The following CDH18 variants were observed in gnomAD, a reference collection of about 807,000 sequenced individuals.
The protein encoded by CDH18 is cadherin-18.
CDH18 carries 31 observed loss-of-function variants against 67.9 expected under a neutral mutation model. That is an observed-to-expected ratio of 0.46 (90% CI 0.34 to 0.62). The LOEUF is 0.62. CDH18 is among the 20% of genes least tolerant of loss of function. The pLI is 0.01. For synonymous variants in CDH18, 362 were observed against 347.2 expected (o/e 1.04, Z -0.48); for missense variants, 890 against 975.5 (o/e 0.91, Z 1.17).
chr5:19,910,715 T>TAG (rs1391896450), intron 2 of CDH18, among the ~76,000 whole-genome samples: 1 of 152,136 alleles, frequency 6.6e-6, no homozygotes, highest in Non-Finnish European at 1.5e-5. Context: ...AAAAAATAGT[T>TAG]ATCTAAGTCT....
intron 2 of CDH18, among the ~76,000 whole-genome samples, chr5:20,025,793 A>G (rs1738845258): frequency 6.6e-6 from 1 of 152,174 alleles, no homozygotes; most frequent in African/African-American, 2.4e-5. Context: ...CCAATTCAAA[A>G]TTATCAGTGT....
intron 3 of CDH18, among the ~76,000 whole-genome samples, chr5:19,815,582 T>C (rs902684105): frequency 1.8e-4 from 28 of 151,884 alleles, no homozygotes; most frequent in African/African-American, 5.1e-4. Flanking sequence ...AATTGAAGGT[T>C]GTCTTCTAAG....
At position 19,520,773 on chromosome 5, in the gene CDH18, G is replaced by A. The variant is rs866204562; in HGVS notation, c.1396C>T (p.Pro466Ser). ...ACTGTGACATGGCTCAGCAAATCAGGATTATCTGCAAAATACACAGGAATG... is the reference window on the plus strand; with the variant it reads ...ACTGTGACATGGCTCAGCAAATCAGAATTATCTGCAAAATACACAGGAATG... Reference protein sequence around the residue: ...ITVTASEIDNPDLLSHVTVGI... With the variant: ...ITVTASEIDNSDLLSHVTVGI... The change falls in exon 10 of 13, where the codon CCT becomes TCT. Residue 466 changes from proline to serine, a missense_variant. By Grantham distance (74) the Pro-to-Ser change is moderately conservative. Transcript: ENST00000382275. 1.2e-6 allele frequency: 2 copies of A among 1,612,550 alleles called. No homozygotes were observed. The highest frequency in any genetic ancestry group is 1.7e-6 in the Non-Finnish European group (2 of 1,179,312).
intron 1 of CDH18, among the ~76,000 whole-genome samples, chr5:20,556,619 A>G (rs1757920668): frequency 6.6e-6 from 1 of 152,138 alleles, no homozygotes; most frequent in South Asian, 2.1e-4. Context: ...AGCACTCAAG[A>G]CACCAGATAT....
At chr5:19,717,071 C>A (rs919785764) in intron 5 of CDH18, among the ~76,000 whole-genome samples, 2 of 151,904 alleles carry the variant, frequency 1.3e-5, no homozygotes, top group Non-Finnish European at 2.9e-5. Context: ...TAATTATGGT[C>A]AAAAGAGCTG....
In CDH18 at chr5:20,338,015, T is replaced by C. The variant is rs955269052; in HGVS notation, c.-579-82510A>G. Among the ~76,000 whole-genome samples the C allele has an allele frequency of 3.3e-5, 5 of 152,266 alleles. No homozygotes were observed. In the South Asian group the frequency reaches 6.2e-4, roughly 19 times the overall value. Reference sequence around the variant, plus strand: ...GCAGGGAAACTTCCCCTTATAATACTATCAGATCTTGTGAGACCCACCAAC... The same window carrying C: ...GCAGGGAAACTTCCCCTTATAATACCATCAGATCTTGTGAGACCCACCAAC... On this transcript the variant is annotated intron_variant, in intron 1 of 14. Transcript: ENST00000507958.
At chr5:19,812,869 A>T (rs1391895679) in intron 3 of CDH18, among the ~76,000 whole-genome samples, 2 of 152,160 alleles carry the variant, frequency 1.3e-5, no homozygotes, top group African/African-American at 4.8e-5. Context: ...ATTCACAATA[A>T]CAAAAGACTT....
intron 1 of CDH18, among the ~76,000 whole-genome samples, chr5:20,466,729 A>T (rs1212088018): frequency 6.6e-6 from 1 of 152,052 alleles, no homozygotes; most frequent in Non-Finnish European, 1.5e-5. Context: ...TTCCTTGATT[A>T]TATCCCATGT....
intron 3 of CDH18, among the ~76,000 whole-genome samples, chr5:19,802,522 A>G (rs1777576698): frequency 6.6e-6 from 1 of 152,198 alleles, no homozygotes; most frequent in South Asian, 2.1e-4. Flanking sequence ...AAAATAACAA[A>G]GTAAAATTCA....
rs78837741 is a variant in CDH18, at chr5:20,014,928, T to A, written c.-517-22914A>T. 3.2e-4 allele frequency among the ~76,000 whole-genome samples: 49 copies of A among 152,210 alleles called. 1 individual carries two copies. In the East Asian group the frequency reaches 9.3e-3, roughly 29 times the overall value. On this transcript the variant is annotated intron_variant, in intron 2 of 14. Coordinates refer to the CDH18 transcript ENST00000507958. ...AGGTCCATTTTTCATCTAGAGAGCATCCTCAACAAATCAGGAAACCCACAT... is the reference window on the plus strand; with the variant it reads ...AGGTCCATTTTTCATCTAGAGAGCAACCTCAACAAATCAGGAAACCCACAT...
At chr5:20,053,966 C>T (rs1252433864) in intron 2 of CDH18, among the ~76,000 whole-genome samples, 1 of 152,056 alleles carries the variant, frequency 6.6e-6, no homozygotes, top group Non-Finnish European at 1.5e-5. Flanking sequence ...TGCAATTCAA[C>T]TCCTTTCTCT....
At chr5:20,419,462 G>GTTTTTTTTTTTTTTTT (rs202130030) in intron 1 of CDH18, among the ~76,000 whole-genome samples, 10 of 75,656 alleles carry the variant, frequency 1.3e-4, no homozygotes, top group African/African-American at 5.5e-4. Context: ...ATGGGACTCT[G>GTTTTTTTTTTTTTTTT]TTTTTTTTTT....
chr5:19,733,685 A>G (rs1449773257), intron 4 of CDH18, among the ~76,000 whole-genome samples: 2 of 152,190 alleles, frequency 1.3e-5, no homozygotes, highest in Non-Finnish European at 2.9e-5. Flanking sequence ...AGCCAGTCCC[A>G]GAGCCATGCT....
intron 2 of CDH18, among the ~76,000 whole-genome samples, chr5:20,032,899 C>CA (rs962018784): frequency 2.6e-5 from 4 of 151,950 alleles, no homozygotes; most frequent in African/African-American, 9.7e-5. Context: ...GTGAAAGATT[C>CA]AGGGTTCACT....
At chr5:19,687,015 C>A (rs2150406262) in intron 5 of CDH18, among the ~76,000 whole-genome samples, 1 of 152,186 alleles carries the variant, frequency 6.6e-6, no homozygotes, top group East Asian at 1.9e-4. Context: ...TAAGAAGTAA[C>A]ACTGGAATTC....
intron 1 of CDH18, among the ~76,000 whole-genome samples, chr5:20,392,661 G>C (rs983204374): frequency 7.2e-5 from 11 of 151,788 alleles, no homozygotes; most frequent in African/African-American, 2.7e-4. Context: ...CTGGAATATA[G>C]GTCTTTGAGT....
chr5:19,877,681 A>C (rs1277087505), intron 2 of CDH18, among the ~76,000 whole-genome samples: 1 of 152,162 alleles, frequency 6.6e-6, no homozygotes, highest in Admixed American at 6.6e-5. Flanking sequence ...GTAGGGCCTA[A>C]AACAAGTAGA....
chr5:19,832,238 T>G (rs1781123271), intron 3 of CDH18, among the ~76,000 whole-genome samples: 2 of 152,126 alleles, frequency 1.3e-5, no homozygotes, highest in African/African-American at 4.8e-5. Flanking sequence ...AATGCACATG[T>G]GCCCTTTGAA....
intron 4 of CDH18, among the ~76,000 whole-genome samples, chr5:19,723,058 T>C (rs567449364): frequency 1.3e-5 from 2 of 152,134 alleles, no homozygotes; most frequent in Non-Finnish European, 2.9e-5. Context: ...TGGTGAATTT[T>C]TTTTTGTTAA....
Sources: allele counts gnomAD v4.1 joint callset (sites outside exome capture counted in the v4.1 genomes callset), GRCh38; gene constraint gnomAD v4.1.1; transcripts MANE v1.5; gene names NCBI Gene and HGNC (gene_info 2026-07-23, HGNC 2026-07-21).